Variants in ZNF280D observed in about 807,000 individuals in gnomAD.
ZNF280D encodes the protein zinc finger protein 280D, also known as suppressor of hairy wing homolog 4.
In ZNF280D, 39 loss-of-function variants were observed where a neutral mutation model predicts 94.7. That is an observed-to-expected ratio of 0.41 (90% CI 0.32 to 0.54). ZNF280D has a LOEUF of 0.54. Ranked by LOEUF, ZNF280D falls within the 20% of genes least tolerant of loss-of-function variation. The probability of loss-of-function intolerance (pLI) is 0.22; values close to 1 mark genes in which losing one functional copy is unlikely to be tolerated. For synonymous variants in ZNF280D, 398 were observed against 377.6 expected (o/e 1.05, Z -0.63); for missense variants, 1,090 against 1,149.3 (o/e 0.95, Z 0.75).
At chr15:56,659,585 A>T (rs1470065945) in intron 16 of ZNF280D, among the ~76,000 whole-genome samples, 2 of 152,074 alleles carry the variant, frequency 1.3e-5, no homozygotes, top group South Asian at 2.1e-4. Flanking sequence ...GGAAAAAAAA[A>T]GTATAGTACA....
chr15:56,715,455 A>G (rs2141339249), intron 1 of ZNF280D, among the ~76,000 whole-genome samples: 1 of 152,246 alleles, frequency 6.6e-6, no homozygotes, highest in African/African-American at 2.4e-5. Flanking sequence ...TTAAGGGATA[A>G]GAAGGGTATT....
At position 56,678,401 on chromosome 15, in the gene ZNF280D, C is replaced by T. The variant is rs181655044; in HGVS notation, c.1162+263G>A. 1.4e-4 allele frequency among the ~76,000 whole-genome samples: 22 copies of T among 152,296 alleles called. No individual in the cohort carries two copies. The East Asian group carries it at 4.0e-3, about 28-fold the overall frequency. ...AATATTTTAAAACTAGGATACTAGG[C>T]TCCTAATTTAGTCCCCAACATATAA... On this transcript the variant is annotated intron_variant, in intron 11 of 21. Coordinates refer to ENST00000267807, the MANE Select transcript of ZNF280D (RefSeq NM_017661.4).
intron 3 of ZNF280D, among the ~76,000 whole-genome samples, chr15:56,704,843 C>T (rs1446243326): frequency 6.6e-6 from 1 of 152,004 alleles, no homozygotes; most frequent in East Asian, 1.9e-4. Context: ...ATTAGCCGGG[C>T]ATGGTGGCCC....
intron 10 of ZNF280D, 141 bp from the exon 11 acceptor site, chr15:56,678,962 T>C: frequency 2.9e-6 from 2 of 686,078 alleles, no homozygotes; most frequent in Admixed American, 3.9e-5. Flanking sequence ...CCTAGGAAAG[T>C]ATGCACTTTT....
intron 19 of ZNF280D, among the ~76,000 whole-genome samples, chr15:56,648,163 T>C (rs2053007600): frequency 6.6e-6 from 1 of 152,274 alleles, no homozygotes; most frequent in South Asian, 2.1e-4. Context: ...CCAGGGAAAC[T>C]GAAAACCTTA....
intron 13 of ZNF280D, among the ~76,000 whole-genome samples, chr15:56,669,871 T>TA (rs1555407397): frequency 1.1e-3 from 6 of 5,692 alleles, no homozygotes; most frequent in South Asian, 8.3e-3. Flanking sequence ...TATATATATA[T>TA]TTTATATATA....
intron 1 of ZNF280D, among the ~76,000 whole-genome samples, chr15:56,717,528 A>G (rs183383654): frequency 6.6e-6 from 1 of 152,192 alleles, no homozygotes; most frequent in East Asian, 1.9e-4. Context: ...ACATCACTTC[A>G]TTCCTTACAT....
chr15:56,707,062 G>GTA lies in ZNF280D; in HGVS notation c.28+19_28+20insTA. The stretch of plus-strand genomic sequence containing the variant: ...ACAAAAGCCACATATATTAGTATTA[G>GTA]TTGTGGCAGCAACACTTACTTTTTG... On this transcript the variant is annotated intron_variant, in intron 3 of 21. Transcript: ENST00000267807. 6.2e-7 allele frequency: 1 copy of GTA among 1,611,374 alleles called. No homozygotes were observed. The highest frequency in any genetic ancestry group is 2.2e-5 in the East Asian group (1 of 44,814).
chr15:56,661,836 A>G (rs575967278), intron 16 of ZNF280D, among the ~76,000 whole-genome samples: 2 of 152,296 alleles, frequency 1.3e-5, no homozygotes, highest in African/African-American at 4.8e-5. Flanking sequence ...TTAAGTGCAA[A>G]TTGTTATTAA....
At chr15:56,660,338 T>C (rs142579430) in intron 16 of ZNF280D, among the ~76,000 whole-genome samples, 3 of 152,290 alleles carry the variant, frequency 2.0e-5, no homozygotes, top group Non-Finnish European at 2.9e-5. Context: ...GAAAATCTTA[T>C]AGTATAGGGT....
intron 1 of ZNF280D, among the ~76,000 whole-genome samples, chr15:56,731,323 C>A (rs1470896172): frequency 2.0e-5 from 3 of 151,612 alleles, no homozygotes; most frequent in Non-Finnish European, 4.4e-5. Context: ...GGTAACACGG[C>A]AAAACCCCAT....
At chr15:56,720,021 G>C (rs2058267232) in intron 1 of ZNF280D, among the ~76,000 whole-genome samples, 1 of 152,032 alleles carries the variant, frequency 6.6e-6, no homozygotes, top group Admixed American at 6.6e-5. Flanking sequence ...TGAAGGTTGG[G>C]GTGGCTGTGG....
At chr15:56,656,182 G>A (rs1030694973) in intron 17 of ZNF280D, among the ~76,000 whole-genome samples, 1 of 152,158 alleles carries the variant, frequency 6.6e-6, no homozygotes. Context: ...TTCCAACACT[G>A]CTTCATCACT....
chr15:56,656,488 T>C (rs769084045), intron 17 of ZNF280D, among the ~76,000 whole-genome samples: 6 of 152,186 alleles, frequency 3.9e-5, no homozygotes, highest in Non-Finnish European at 8.8e-5. Flanking sequence ...TAGAATGCAA[T>C]AAAACCATAT....
At position 56,635,221 on chromosome 15, in the gene ZNF280D, T is replaced by A; in HGVS notation, c.2289A>T (p.Arg763Ser). The change falls in exon 21 of 22, where the codon AGA becomes AGT. Residue 763 changes from arginine to serine, a missense_variant. Around this residue, in one of 3 missense-constraint regions of ZNF280D, gnomAD observed 577 missense variants for 568.8 expected, o/e 1.01. Transcript: ENST00000267807. Reference sequence around the variant, plus strand: ...TTTCAGAATTTGATGTTTCTGTTTCTCTTTCAGCCATGTTAGGTCTTGCAA... The same window carrying A: ...TTTCAGAATTTGATGTTTCTGTTTCACTTTCAGCCATGTTAGGTCTTGCAA... ...KEIARPNMAE[R>S]ETETSNSESK... is the part of the protein sequence containing the mutation. The A allele has an allele frequency of 6.4e-7, 1 of 1,559,822 alleles. No homozygotes were observed. Among genetic ancestry groups the A allele is most frequent in the Non-Finnish European group, 8.7e-7 (1 of 1,155,922 alleles).
chr15:56,659,164 G>C (rs1366805189), intron 16 of ZNF280D, among the ~76,000 whole-genome samples: 1 of 113,748 alleles, frequency 8.8e-6, no homozygotes, highest in Non-Finnish European at 1.7e-5. Flanking sequence ...TTCTAGTAGA[G>C]TGTTTTTTAT....
chr15:56,676,642 TAAAC>T (rs767232669), intron 13 of ZNF280D, 24 bp downstream of exon 13: 17 of 1,563,152 alleles, frequency 1.1e-5, no homozygotes, highest in Middle Eastern at 1.7e-4. Context: ...GACAACATAA[TAAAC>T]AAATAAGAAC....
intron 19 of ZNF280D, chr15:56,645,037 C>A (rs1185433336): frequency 1.3e-5 from 2 of 152,054 alleles, no homozygotes; most frequent in African/African-American, 2.4e-5. Context: ...AAATGCATCA[C>A]TAAAATGTAC....
At position 56,682,295 on chromosome 15, in the gene ZNF280D, A is replaced by G. The variant is rs767011895; in HGVS notation, c.963T>C (p.Phe321=). The G allele has an allele frequency of 6.3e-7, 1 of 1,586,226 alleles. No homozygotes were observed. Among genetic ancestry groups the G allele is most frequent in the South Asian group, 1.2e-5 (1 of 84,976 alleles). ...VQEEQKTHTT[F]KCFSCLKILK... ...GAATTTTCAAGCAACTGAAGCATTT[A>G]AAGGTTGTGTGAGTCTTCTGTTCCT... is the stretch of plus-strand genomic sequence containing the variant. Residue 321 remains phenylalanine (F), a synonymous_variant, in exon 10 of 22, where the codon TTT becomes TTC. Transcript: ENST00000267807.
Sources: allele counts gnomAD v4.1 joint callset (sites outside exome capture counted in the v4.1 genomes callset), GRCh38; gene constraint gnomAD v4.1.1; regional missense constraint gnomAD v4.1.1; transcripts MANE v1.5; gene names NCBI Gene and HGNC (gene_info 2026-07-23, HGNC 2026-07-21).